Variants in CNTN6 observed in about 807,000 individuals in gnomAD.
The protein encoded by CNTN6 is contactin 6, also known as contactin-6.
A neutral mutation model predicts 122.8 loss-of-function variants in CNTN6; 137 were observed. That is an observed-to-expected ratio of 1.12 (90% CI 0.97 to 1.29). The LOEUF (loss-of-function observed/expected upper bound fraction) is 1.29. Among genes scored for constraint, CNTN6 ranks in the 50% most tolerant of loss-of-function variants. CNTN6 has a pLI of 0.00. For synonymous variants in CNTN6, 570 were observed against 426.0 expected (o/e 1.34, Z -4.16); for missense variants, 1,634 against 1,223.4 (o/e 1.34, Z -5.01).
At chr3:1,177,141 C>T (rs545820176) in intron 2 of CNTN6, among the ~76,000 whole-genome samples, 1 of 152,146 alleles carries the variant, frequency 6.6e-6, no homozygotes, top group African/African-American at 2.4e-5. Flanking sequence ...AGAACGTCAA[C>T]GTGATAAAAG....
intron 4 of CNTN6, among the ~76,000 whole-genome samples, chr3:1,253,205 C>T (rs190958681): frequency 5.4e-4 from 82 of 152,296 alleles, no homozygotes; most frequent in Non-Finnish European, 7.1e-4. Flanking sequence ...TGTACCACCT[C>T]TCCTTACCAA....
Position 1,182,407 on chromosome 3 carries a change from G to A in CNTN6, c.55+34344G>A, listed in dbSNP as rs569553221. On this transcript the variant is annotated intron_variant, in intron 2 of 22. Transcript: ENST00000446702. Reference sequence around the variant, plus strand: ...GATACTGTTCTCTGAAATTAATATAGAACTATAGTTACTTGGTAGTTTATC... The same window carrying A: ...GATACTGTTCTCTGAAATTAATATAAAACTATAGTTACTTGGTAGTTTATC... Among the ~76,000 whole-genome samples the A allele has an allele frequency of 9.2e-5, 14 of 152,240 alleles. No individual in the cohort carries two copies. The South Asian group carries it at 2.9e-3, about 32-fold the overall frequency.
At chr3:1,114,227 A>C (rs1276200464) in intron 1 of CNTN6, among the ~76,000 whole-genome samples, 2 of 152,206 alleles carry the variant, frequency 1.3e-5, no homozygotes, top group African/African-American at 4.8e-5. Context: ...TGGCAAAGGC[A>C]GAATGACTGG....
chr3:1,154,787 A>C (rs2092926810), intron 2 of CNTN6, among the ~76,000 whole-genome samples: 1 of 152,162 alleles, frequency 6.6e-6, no homozygotes, highest in Non-Finnish European at 1.5e-5. Context: ...ACAACTCCAG[A>C]TGCTTAAAAT....
At chr3:1,373,419 A>G (rs1407233211) in intron 14 of CNTN6, among the ~76,000 whole-genome samples, 185 bp from the exon 15 acceptor site, 1 of 152,132 alleles carries the variant, frequency 6.6e-6, no homozygotes, top group Non-Finnish European at 1.5e-5. Context: ...AGGAAGCACT[A>G]CTACATTAAT....
At chr3:1,395,376 C>T (rs559633742) in intron 20 of CNTN6, among the ~76,000 whole-genome samples, 25 of 152,264 alleles carry the variant, frequency 1.6e-4, no homozygotes, top group Admixed American at 1.5e-3. Context: ...GCTGCACTAG[C>T]TTTGGAAGCT....
intron 8 of CNTN6, among the ~76,000 whole-genome samples, chr3:1,323,754 A>G (rs181845522): frequency 6.6e-5 from 10 of 151,890 alleles, no homozygotes; most frequent in Admixed American, 2.0e-4. Context: ...ATATGGCAGA[A>G]AAAAATCTAA....
In CNTN6 at chr3:1,243,366, G is replaced by T. The variant is rs28803279; in HGVS notation, c.358+15373G>T. Reference sequence around the variant, plus strand: ...TGTGCTGGAGATGTGGCTGGGGTTTGTGTCACAGTGGAGGCAAGGAATTGC... The same window carrying T: ...TGTGCTGGAGATGTGGCTGGGGTTTTTGTCACAGTGGAGGCAAGGAATTGC... On this transcript the variant is annotated intron_variant, in intron 4 of 22. Transcript: ENST00000446702. Among the ~76,000 whole-genome samples, 660 of 152,296 alleles carry T rather than the reference G, an allele frequency of 4.3e-3. 4 individuals are homozygous for T. The highest frequency in any genetic ancestry group is 0.015 in the African/African-American group (623 of 41,548).
chr3:1,325,473 A>AT (rs1223579037), intron 8 of CNTN6, among the ~76,000 whole-genome samples: 1 of 151,838 alleles, frequency 6.6e-6, no homozygotes, highest in African/African-American at 2.4e-5. Context: ...TTTGATATAC[A>AT]TTTTCTAACT....
chr3:1,247,820 G>C (rs17036323), intron 4 of CNTN6, among the ~76,000 whole-genome samples: 13,864 of 151,866 alleles, frequency 0.091, 1,000 homozygotes, highest in East Asian at 0.33. Flanking sequence ...CCATGTATTA[G>C]GTATCTATTA....
chr3:1,218,786 A>T (rs187377942), intron 2 of CNTN6, among the ~76,000 whole-genome samples: 1 of 152,214 alleles, frequency 6.6e-6, no homozygotes, highest in East Asian at 1.9e-4. Flanking sequence ...ACCTCAAAAA[A>T]AAATGAGTAC....
intron 11 of CNTN6, among the ~76,000 whole-genome samples, chr3:1,331,588 T>A (rs1214088013): frequency 1.3e-5 from 2 of 151,976 alleles, no homozygotes; most frequent in African/African-American, 2.4e-5. Context: ...TCCTAAAATC[T>A]AATCAAGGTT....
At chr3:1,116,930 C>G (rs1439010274) in intron 1 of CNTN6, among the ~76,000 whole-genome samples, 1 of 152,046 alleles carries the variant, frequency 6.6e-6, no homozygotes, top group Non-Finnish European at 1.5e-5. Context: ...GTCTTGAACT[C>G]CTGACCTCAA....
At chr3:1,149,494 A>T (rs1486524834) in intron 2 of CNTN6, among the ~76,000 whole-genome samples, 1 of 152,212 alleles carries the variant, frequency 6.6e-6, no homozygotes, top group Non-Finnish European at 1.5e-5. Flanking sequence ...CTTAAAATGA[A>T]TGAGAATGCT....
chr3:1,240,247 G>A (rs2094465496), intron 4 of CNTN6, among the ~76,000 whole-genome samples: 1 of 151,928 alleles, frequency 6.6e-6, no homozygotes, highest in African/African-American at 2.4e-5. Flanking sequence ...CCACAGAGTG[G>A]GAAAAGATCT....
intron 5 of CNTN6, among the ~76,000 whole-genome samples, chr3:1,288,229 T>G (rs1694688922): frequency 6.6e-6 from 1 of 152,192 alleles, no homozygotes; most frequent in South Asian, 2.1e-4. Flanking sequence ...CACCATCTCC[T>G]TGATTCCAAA....
intron 2 of CNTN6, among the ~76,000 whole-genome samples, chr3:1,172,676 T>C (rs1434626255): frequency 6.6e-6 from 1 of 151,658 alleles, no homozygotes; most frequent in Non-Finnish European, 1.5e-5. Flanking sequence ...ACTTAACCCA[T>C]AGTTTTGGAA....
At chr3:1,140,527 A>G (rs1251105902) in intron 1 of CNTN6, among the ~76,000 whole-genome samples, 2 of 152,148 alleles carry the variant, frequency 1.3e-5, no homozygotes, top group Non-Finnish European at 2.9e-5. Context: ...GCTGACTTCT[A>G]TTATCTATAT....
chr3:1,119,134 C>T (rs559236431), intron 1 of CNTN6, among the ~76,000 whole-genome samples: 5 of 150,676 alleles, frequency 3.3e-5, no homozygotes, highest in Non-Finnish European at 5.9e-5. Context: ...ATTCTGTCTT[C>T]GAGACAATTT....
Sources: allele counts gnomAD v4.1 joint callset (sites outside exome capture counted in the v4.1 genomes callset), GRCh38; gene constraint gnomAD v4.1.1; transcripts MANE v1.5; gene names NCBI Gene and HGNC (gene_info 2026-07-23, HGNC 2026-07-21).